REEP3: variants seen among roughly 807,000 people sequenced by gnomAD.
REEP3 encodes the protein receptor accessory protein 3, also known as receptor expression-enhancing protein 3.
In REEP3, 20 loss-of-function variants were observed where a neutral mutation model predicts 41.3. That is an observed-to-expected ratio of 0.48 (90% confidence interval 0.34 to 0.70). The LOEUF is 0.70. Among genes scored for constraint, REEP3 ranks in the 30% least tolerant of loss-of-function variants. The probability of loss-of-function intolerance (pLI) is 0.01; values close to 1 mark genes in which losing one functional copy is unlikely to be tolerated. For missense variants in REEP3, 271 were observed against 308.8 expected (o/e 0.88, Z 0.92); for synonymous variants, 104 against 101.8 (o/e 1.02, Z -0.13).
chr10:63,536,369 T>C (rs966299145), intron 1 of REEP3, among the ~76,000 whole-genome samples: 2 of 152,252 alleles, frequency 1.3e-5, no homozygotes, highest in Admixed American at 6.5e-5. Flanking sequence ...GGTGGTTGAA[T>C]GTCCATTTCT....
At chr10:63,572,119 A>C (rs1396825570) in intron 2 of REEP3, among the ~76,000 whole-genome samples, 1 of 152,214 alleles carries the variant, frequency 6.6e-6, no homozygotes, top group Non-Finnish European at 1.5e-5. Flanking sequence ...AAAGAGGTTC[A>C]AAATGAAATA....
At chr10:63,538,692 C>T (rs1237893387) in intron 1 of REEP3, among the ~76,000 whole-genome samples, 1 of 152,094 alleles carries the variant, frequency 6.6e-6, no homozygotes, top group Non-Finnish European at 1.5e-5. Flanking sequence ...CAAGATCAAG[C>T]CACTACACTC....
At chr10:63,541,757 G>A (rs989525360) in intron 1 of REEP3, among the ~76,000 whole-genome samples, 12 of 152,002 alleles carry the variant, frequency 7.9e-5, no homozygotes, top group African/African-American at 2.9e-4. Context: ...TTCAAAATCT[G>A]ATAATAAAGA....
At chr10:63,566,764 T>C (rs1278288283) in intron 2 of REEP3, among the ~76,000 whole-genome samples, 2 of 152,186 alleles carry the variant, frequency 1.3e-5, no homozygotes, top group Admixed American at 6.5e-5. Context: ...CTCTCTGGCC[T>C]CAAAGCTTTT....
chr10:63,620,770 A>G, intron 7 of REEP3, 43 bp from the exon 8 acceptor site: 2 of 1,307,678 alleles, frequency 1.5e-6, no homozygotes, highest in Non-Finnish European at 2.1e-6. Flanking sequence ...AATTTTTTAA[A>G]GTAATCATCT....
chr10:63,580,413 A>G (rs59347671), intron 2 of REEP3, among the ~76,000 whole-genome samples: 11,499 of 152,234 alleles, frequency 0.076, 1,457 homozygotes, highest in African/African-American at 0.26. Context: ...CTGGAATTAC[A>G]GGTGTGAGCC....
chr10:63,522,889 C>T (rs915754848), intron 1 of REEP3, among the ~76,000 whole-genome samples: 1 of 152,060 alleles, frequency 6.6e-6, no homozygotes, highest in Admixed American at 6.6e-5. Context: ...GTTTTTCAGC[C>T]TTTTCCTGGC....
At chr10:63,557,088 C>T (rs141183426) in intron 1 of REEP3, among the ~76,000 whole-genome samples, 1 of 152,240 alleles carries the variant, frequency 6.6e-6, no homozygotes, top group African/African-American at 2.4e-5. Flanking sequence ...TTGGCTAAAA[C>T]CCATGTAGGC....
chr10:63,540,324 G>A (rs949649005), intron 1 of REEP3, among the ~76,000 whole-genome samples: 2 of 152,200 alleles, frequency 1.3e-5, no homozygotes, highest in Non-Finnish European at 2.9e-5. Flanking sequence ...TTTGTGAGAT[G>A]GCTGTACAGC....
chr10:63,552,391 A>G (rs1955637744), intron 1 of REEP3, among the ~76,000 whole-genome samples: 2 of 152,188 alleles, frequency 1.3e-5, no homozygotes, highest in Admixed American at 1.3e-4. Flanking sequence ...AGCCTGGACC[A>G]CAGAGCAAGA....
rs74137769 is a variant in REEP3 at position 63,524,309 on chromosome 10, C to A, written c.32+2732C>A. ...CACCTCCTCCTGAGCAAGATCAGAC[C>A]CTTCTCTCAACATGAACCTCTGGTA... On this transcript the variant is annotated intron_variant, in intron 1 of 7. Transcript: ENST00000373758. 4.2e-3 allele frequency among the ~76,000 whole-genome samples: 640 copies of A among 152,170 alleles called. 3 individuals are homozygous for A. Among genetic ancestry groups the A allele is most frequent in the African/African-American group, 0.014 (568 of 41,502 alleles).
At chr10:63,544,011 C>T (rs79324516) in intron 1 of REEP3, among the ~76,000 whole-genome samples, 1 of 152,252 alleles carries the variant, frequency 6.6e-6, no homozygotes, top group East Asian at 1.9e-4. Context: ...GTTATGAGAA[C>T]ATGGAGAAAG....
chr10:63,544,184 A>G (rs972966622), intron 1 of REEP3, among the ~76,000 whole-genome samples: 1 of 152,236 alleles, frequency 6.6e-6, no homozygotes, highest in African/African-American at 2.4e-5. Context: ...AAGCAGTTCA[A>G]TATCAGTGGG....
At chr10:63,568,292 A>G (rs1955819023) in intron 2 of REEP3, among the ~76,000 whole-genome samples, 2 of 145,072 alleles carry the variant, frequency 1.4e-5, no homozygotes, top group South Asian at 2.2e-4. Context: ...TTTGAGACGG[A>G]GTCTTGCTCT....
At chr10:63,542,072 T>C (rs1245366535) in intron 1 of REEP3, among the ~76,000 whole-genome samples, 1 of 89,884 alleles carries the variant, frequency 1.1e-5, no homozygotes, top group Non-Finnish European at 2.4e-5. Flanking sequence ...TACTTCTTTT[T>C]GTTTTTGTTT....
In REEP3 at chr10:63,619,815, G is replaced by A; in HGVS notation, c.711+15G>A. 1.9e-6 allele frequency: 3 copies of A among 1,593,766 alleles called. No homozygotes were observed. Among genetic ancestry groups the A allele is most frequent in the South Asian group, 2.3e-5 (2 of 87,840 alleles). On this transcript the variant is annotated intron_variant, in intron 7 of 7. Coordinates refer to ENST00000373758, the MANE Select transcript of REEP3 (RefSeq NM_001001330.3). ...GCCGCAAAGAGGTTGGTTAAGTGTAGAGCTGTTTTCCTAATGATTAGTGAA... is the reference window on the plus strand; with the variant it reads ...GCCGCAAAGAGGTTGGTTAAGTGTAAAGCTGTTTTCCTAATGATTAGTGAA...
intron 1 of REEP3, among the ~76,000 whole-genome samples, chr10:63,534,931 A>G (rs1955460198): frequency 6.6e-6 from 1 of 152,142 alleles, no homozygotes; most frequent in Admixed American, 6.5e-5. Flanking sequence ...TTTTCCTTTG[A>G]GGTCTAAAAT....
At chr10:63,545,617 C>CCCACCTCGG (rs913912930) in intron 1 of REEP3, among the ~76,000 whole-genome samples, 14 of 151,844 alleles carry the variant, frequency 9.2e-5, no homozygotes, top group African/African-American at 2.4e-4. Flanking sequence ...TCGTGATCCA[C>CCCACCTCGG]CCACCTCGGC....
At position 63,598,102 on chromosome 10, in the gene REEP3, A is replaced by G. The variant is rs770628789; in HGVS notation, c.261A>G (p.Ile87Met). 12 of 1,591,382 alleles carry G rather than the reference A, an allele frequency of 7.5e-6. No individual in the cohort carries two copies. The highest frequency in any genetic ancestry group is 1.0e-5 in the Non-Finnish European group (12 of 1,159,618). ...LSPYTKGASL[I>M]YRKFLHPLLS... ...CCTATACCAAAGGAGCAAGTTTAAT[A>G]TATAGAAAATTCCTTCATCCACTTC... Residue 87 changes from isoleucine (I) to methionine (M), a missense_variant, in exon 4 of 8, where the codon ATA becomes ATG. Ile to Met is a conservative substitution (Grantham distance 10). Coordinates refer to ENST00000373758, the MANE Select transcript of REEP3 (RefSeq NM_001001330.3).
Sources: gnomAD v4.1 joint callset for allele counts (sites outside exome capture counted in the v4.1 genomes callset) on GRCh38, gnomAD v4.1.1 for gene constraint, MANE v1.5 for transcripts, NCBI Gene and HGNC (gene_info 2026-07-23, HGNC 2026-07-21) for gene names.